The following SYT4 variants were observed in gnomAD, a reference collection of about 807,000 sequenced individuals.
SYT4 encodes synaptotagmin 4, also known as synaptotagmin-4.
Under a neutral mutation model 32.9 loss-of-function variants are expected in SYT4, and 7 were observed. The observed-to-expected ratio is 0.21, with a 90% CI of 0.12 to 0.40. The LOEUF (loss-of-function observed/expected upper bound fraction) is 0.40, where lower values mean the gene tolerates loss of function less well. Ranked by LOEUF, SYT4 falls within the 10% of genes least tolerant of loss-of-function variation. The pLI is 1.00. For missense variants in SYT4, 480 were observed against 488.0 expected (o/e 0.98, Z 0.16); for synonymous variants, 205 against 186.2 (o/e 1.10, Z -0.82).
chr18:43,273,262 C>T (rs1908684747), intron 2 of SYT4, among the ~76,000 whole-genome samples: 1 of 151,948 alleles, frequency 6.6e-6, no homozygotes, highest in South Asian at 2.1e-4. Context: ...AAATATTCAC[C>T]TGTATTTTAA....
At position 43,275,961 on chromosome 18, in the gene SYT4, A is replaced by G. The variant is rs990706614; in HGVS notation, c.34+1287T>C. On this transcript the variant is annotated intron_variant, in intron 1 of 3. Transcript: ENST00000255224. ...CCAGGGAGCAAAAGCAAAGTCATGAACTGAGAGAGTTCTTTAGCCAATGTA... is the reference window on the plus strand; with the variant it reads ...CCAGGGAGCAAAAGCAAAGTCATGAGCTGAGAGAGTTCTTTAGCCAATGTA... Among the ~76,000 whole-genome samples, 11 of 152,328 alleles carry G rather than the reference A, an allele frequency of 7.2e-5. No homozygotes were observed. The East Asian group carries it at 2.1e-3, about 29-fold the overall frequency.
In SYT4 at chr18:43,271,976, A is replaced by G. The variant is rs562390735; in HGVS notation, c.850-144T>C. On this transcript the variant is annotated intron_variant, in intron 2 of 3. Transcript: ENST00000255224. Reference sequence around the variant, plus strand: ...TATTCTAAGGAATTGAAGAGTAACTAAAAGCTTTTGAGCAGTACCATCGCT... The same window carrying G: ...TATTCTAAGGAATTGAAGAGTAACTGAAAGCTTTTGAGCAGTACCATCGCT... 7.6e-5 allele frequency: 72 copies of G among 948,620 alleles called. No individual in the cohort carries two copies. In the South Asian group the frequency reaches 8.1e-4, roughly 11 times the overall value. 58.8% of individuals were successfully genotyped at this position (948,620 alleles called of 1,614,324 possible).
At chr18:43,274,521 TG>T (rs2144368654) in intron 1 of SYT4, 127 bp from the exon 2 acceptor site, 2 of 698,074 alleles carry the variant, frequency 2.9e-6, no homozygotes, top group African/African-American at 1.8e-5. Flanking sequence ...CCAACTGTTC[TG>T]GGTATGAGTT....
At chr18:43,273,384 TTGAG>T (rs1019790274) in intron 2 of SYT4, among the ~76,000 whole-genome samples, 192 bp downstream of exon 2, 37 of 152,240 alleles carry the variant, frequency 2.4e-4, no homozygotes, top group African/African-American at 8.7e-4. Context: ...TTAAAACACT[TTGAG>T]TATTTCAGTT....
At chr18:43,275,091 T>C (rs1908752809) in intron 1 of SYT4, among the ~76,000 whole-genome samples, 1 of 152,090 alleles carries the variant, frequency 6.6e-6, no homozygotes, top group Non-Finnish European at 1.5e-5. Context: ...TTATACAAAG[T>C]ATAAATTAAT....
In SYT4 at chr18:43,270,150, T is replaced by C. The variant is rs1908581586; in HGVS notation, c.*191A>G. The C allele has an allele frequency of 1.6e-6, 1 of 620,508 alleles. No homozygotes were observed. The highest frequency in any genetic ancestry group is 2.8e-6 in the Non-Finnish European group (1 of 359,078). The allele number at this position is 620,508 out of a possible 1,614,324, so 38.4% of individuals were successfully genotyped here. A position where few individuals can be genotyped will look rare whatever the true frequency, so the allele number is the denominator to read the frequency against. On this transcript the variant is annotated 3_prime_UTR_variant, in exon 4 of 4. Coordinates refer to ENST00000255224, the MANE Select transcript of SYT4 (RefSeq NM_020783.4). ...CTTATGAAAATTTATCCAACTCTTC[T>C]AATAAATAGGGAAATTATCATAATA...
chr18:43,272,988 T>C (rs776690482), intron 2 of SYT4, among the ~76,000 whole-genome samples: 1 of 152,170 alleles, frequency 6.6e-6, no homozygotes, highest in Non-Finnish European at 1.5e-5. Flanking sequence ...ATTTGTTTCA[T>C]TGATGTCTTA....
At chr18:43,272,761 G>T (rs1475746103) in intron 2 of SYT4, among the ~76,000 whole-genome samples, 1 of 152,114 alleles carries the variant, frequency 6.6e-6, no homozygotes, top group Non-Finnish European at 1.5e-5. Context: ...CAAACAAGCT[G>T]TGGAATGTAT....
In SYT4 at chr18:43,270,266, C is replaced by T. The variant is rs765511980; in HGVS notation, c.*75G>A. On this transcript the variant is annotated 3_prime_UTR_variant, in exon 4 of 4. Coordinates refer to ENST00000255224, the MANE Select transcript of SYT4 (RefSeq NM_020783.4). ...AAGGTAGCTTGATTTCCCAAGCTTG[C>T]AATCCAATATAGAAAGAAAGAAAAT... is the stretch of plus-strand genomic sequence containing the variant. 4.6e-5 allele frequency: 68 copies of T among 1,481,476 alleles called. No homozygotes were observed. Among genetic ancestry groups the T allele is most frequent in the Middle Eastern group, 4.9e-4 (2 of 4,060 alleles). The allele number at this position is 1,481,476 out of a possible 1,614,324, so 91.8% of individuals were successfully genotyped here. A position where few individuals can be genotyped will look rare whatever the true frequency, so the allele number is the denominator to read the frequency against.
At chr18:43,273,435 G>T in intron 2 of SYT4, 145 bp downstream of exon 2, 1 of 576,344 alleles carries the variant, frequency 1.7e-6, no homozygotes, top group Non-Finnish European at 3.0e-6. Flanking sequence ...CTATTCCCTT[G>T]ATCTCCATTA....
At chr18:43,274,463 C>A (rs1439338903) in intron 1 of SYT4, 69 bp from the exon 2 acceptor site, 3 of 1,259,612 alleles carry the variant, frequency 2.4e-6, no homozygotes, top group East Asian at 2.4e-5. Context: ...TTTTGAAAAG[C>A]CTAATAGAGC....
intron 1 of SYT4, among the ~76,000 whole-genome samples, chr18:43,275,026 A>T (rs1908750388): frequency 6.6e-6 from 1 of 152,204 alleles, no homozygotes; most frequent in South Asian, 2.1e-4. Context: ...TTTGTAACTT[A>T]TAACACTATC....
rs1434756803 is a variant in SYT4, at chr18:43,277,311, G to GAAGGGAAAACTGCCTGGCTGGA, written c.-52_-31dup. On this transcript the variant is annotated 5_prime_UTR_variant, in exon 1 of 4. Transcript: ENST00000255224. ...TACTGCGTGTTCTGTCCGAGGTGCT[G>GAAGGGAAAACTGCCTGGCTGGA]AAGGGAAAACTGCCTGGCTGGATTC... is the stretch of plus-strand genomic sequence containing the variant. 17 of 1,613,830 alleles carry GAAGGGAAAACTGCCTGGCTGGA rather than the reference G, an allele frequency of 1.1e-5. No homozygotes were observed. The highest frequency in any genetic ancestry group is 2.7e-5 in the African/African-American group (2 of 74,914).
In SYT4 at chr18:43,274,199, TCA is replaced by T; in HGVS notation, c.228_229del (p.Asp76GlufsTer2). The T allele has an allele frequency of 6.2e-7, 1 of 1,613,994 alleles. No homozygotes were observed. The highest frequency in any genetic ancestry group is 8.5e-7 in the Non-Finnish European group (1 of 1,179,934). ...TGGCTTATTCTTTACTTCATTTTTA[TCA>T]TCTGCTCCAAACTTCTTTTTGCTAT... On this transcript the variant is annotated frameshift_variant, in exon 2 of 4. Coordinates refer to ENST00000255224, the MANE Select transcript of SYT4 (RefSeq NM_020783.4). LOFTEE classifies it high-confidence loss of function.
At position 43,277,429 on chromosome 18, in the gene SYT4, G is replaced by C. The variant is rs892295688; in HGVS notation, c.-148C>G. On this transcript the variant is annotated 5_prime_UTR_variant, in exon 1 of 4. Coordinates refer to ENST00000255224, the MANE Select transcript of SYT4 (RefSeq NM_020783.4). ...GCTCCTGGAACAGGGAGGAGGCAAA[G>C]AGGGAGGTCCACTCGCCCTCGCACA... 8.3e-6 allele frequency: 7 copies of C among 843,618 alleles called. No individual in the cohort carries two copies. In the East Asian group the frequency reaches 1.0e-4, roughly 13 times the overall value. 52.3% of individuals were successfully genotyped at this position (843,618 alleles called of 1,614,324 possible). A position where few individuals can be genotyped will look rare whatever the true frequency, so the allele number is the denominator to read the frequency against.
chr18:43,274,296 A>T lies in SYT4; in HGVS notation c.133T>A (p.Ser45Thr). The part of the protein sequence containing the change: ...WICCQRKSSK[S>T]NKTPPYKFVH... ...AACTTGTATGGAGGAGTCTTGTTAG[A>T]CTTGGATGATTTTCTCTGACAGCAG... Residue 45 changes from serine to threonine, a missense_variant, in exon 2 of 4, where the codon TCT becomes ACT. Transcript: ENST00000255224. 1.9e-6 allele frequency: 3 copies of T among 1,613,894 alleles called. No individual in the cohort carries two copies. The South Asian group carries it at 3.3e-5, about 18-fold the overall frequency.
chr18:43,272,517 A>G (rs1908661864), intron 2 of SYT4, among the ~76,000 whole-genome samples: 1 of 152,308 alleles, frequency 6.6e-6, no homozygotes, highest in East Asian at 1.9e-4. Context: ...TTTGTACTTT[A>G]AAGACAATAG....
At position 43,277,230 on chromosome 18, in the gene SYT4, G is replaced by T; in HGVS notation, c.34+18C>A. 6.2e-7 allele frequency: 1 copy of T among 1,613,946 alleles called. No homozygotes were observed. Among genetic ancestry groups the T allele is most frequent in the Non-Finnish European group, 8.5e-7 (1 of 1,179,904 alleles). On this transcript the variant is annotated intron_variant, in intron 1 of 3. Transcript: ENST00000255224. ...ATTCAAGGAATAACCGCAGTCATAA[G>T]TTCAGTAACTTGCTTACCAAATTCT...
chr18:43,275,734 A>C (rs1908772121), intron 1 of SYT4, among the ~76,000 whole-genome samples: 2 of 152,202 alleles, frequency 1.3e-5, no homozygotes, highest in South Asian at 4.1e-4. Flanking sequence ...CCTGTATTTT[A>C]ATGTACAGAA....
Sources: gnomAD v4.1 joint callset for allele counts (sites outside exome capture counted in the v4.1 genomes callset) on GRCh38, gnomAD v4.1.1 for gene constraint, MANE v1.5 for transcripts, NCBI Gene and HGNC (gene_info 2026-07-23, HGNC 2026-07-21) for gene names.